TMEM131: variants seen among roughly 807,000 people sequenced by gnomAD.
TMEM131 encodes 2610524E03Rik.
TMEM131 carries 66 observed loss-of-function variants against 211.6 expected under a neutral mutation model. The observed-to-expected ratio is 0.31, with a 90% confidence interval of 0.26 to 0.38. The LOEUF (loss-of-function observed/expected upper bound fraction) is 0.38, where lower values mean the gene tolerates loss of function less well. Among genes scored for constraint, TMEM131 ranks in the 10% least tolerant of loss-of-function variants. The pLI, the probability that TMEM131 is intolerant of heterozygous loss-of-function variation, is 1.00. For synonymous variants in TMEM131, 844 were observed against 841.3 expected, an observed-to-expected ratio of 1.00 and a Z score of -0.06; for missense variants, 2,036 against 2,299.3, an observed-to-expected ratio of 0.89 and a Z score of 2.34.
At chr2:97,763,460 C>T (rs1678975533) in intron 35 of TMEM131, 1 of 152,680 alleles carries the variant, frequency 6.5e-6, no homozygotes, top group African/African-American at 2.4e-5. Flanking sequence ...ACATGGGCCC[C>T]TCCTCGCTGG....
chr2:97,786,900 G>A (rs1680274908), intron 31 of TMEM131, among the ~76,000 whole-genome samples: 1 of 152,198 alleles, frequency 6.6e-6, no homozygotes, highest in Non-Finnish European at 1.5e-5. Context: ...CCAGCAAACT[G>A]TTTTTTCCAG....
intron 5 of TMEM131, among the ~76,000 whole-genome samples, chr2:97,855,611 G>C (rs981312348): frequency 1.3e-5 from 2 of 151,292 alleles, no homozygotes; most frequent in Non-Finnish European, 2.9e-5. Context: ...TGAGGCACAA[G>C]AATTGCTTGA....
At chr2:97,854,908 AAAATGG>A (rs1673774738) in intron 5 of TMEM131, among the ~76,000 whole-genome samples, 1 of 152,178 alleles carries the variant, frequency 6.6e-6, no homozygotes, top group Admixed American at 6.5e-5. Context: ...CACCCTATTT[AAAATGG>A]TACCGCCTTC....
At chr2:97,794,803 A>T in intron 29 of TMEM131, 127 bp downstream of exon 29, 2 of 700,264 alleles carry the variant, frequency 2.9e-6, no homozygotes, top group East Asian at 6.0e-5. Context: ...TGAGATTGAT[A>T]AAGGCAGAGT....
intron 12 of TMEM131, 132 bp downstream of exon 12, chr2:97,818,481 G>GGGGGGGAAAAAAAAAAA: frequency 3.4e-6 from 1 of 292,100 alleles, no homozygotes; most frequent in Non-Finnish European, 6.4e-6. Context: ...GGCGGGGGGG[G>GGGGGGGAAAAAAAAAAA]ATCAACCTAA....
intron 11 of TMEM131, among the ~76,000 whole-genome samples, chr2:97,832,866 A>G (rs553920238): frequency 6.6e-6 from 1 of 152,314 alleles, no homozygotes; most frequent in East Asian, 1.9e-4. Flanking sequence ...GCCTTAGTTT[A>G]TAATGTGCTG....
At chr2:97,824,857 A>G (rs976013843) in intron 11 of TMEM131, among the ~76,000 whole-genome samples, 3 of 152,236 alleles carry the variant, frequency 2.0e-5, no homozygotes, top group African/African-American at 7.2e-5. Flanking sequence ...CAACACCCCA[A>G]TTCTAGGAGT....
chr2:97,805,775 T>A, intron 19 of TMEM131, 72 bp from the exon 20 acceptor site: 3 of 1,344,232 alleles, frequency 2.2e-6, no homozygotes, highest in Non-Finnish European at 3.0e-6. Context: ...AGTTTCAGAG[T>A]AGACAAGCAT....
At chr2:97,830,971 A>G (rs1049408161) in intron 11 of TMEM131, among the ~76,000 whole-genome samples, 2 of 152,236 alleles carry the variant, frequency 1.3e-5, no homozygotes, top group Non-Finnish European at 2.9e-5. Context: ...CTAAATATCT[A>G]TAGTCTCTAA....
intron 2 of TMEM131, chr2:97,913,089 G>C (rs1676354636): frequency 6.6e-6 from 1 of 152,050 alleles, no homozygotes; most frequent in African/African-American, 2.4e-5. Flanking sequence ...AAAACATGCT[G>C]GACAAATTCT....
At chr2:97,825,208 G>T (rs1682319295) in intron 11 of TMEM131, among the ~76,000 whole-genome samples, 1 of 152,160 alleles carries the variant, frequency 6.6e-6, no homozygotes, top group Admixed American at 6.5e-5. Flanking sequence ...CAGGCACTCT[G>T]GTCCTTCAGT....
chr2:97,910,829 G>C (rs1179508994), intron 2 of TMEM131, among the ~76,000 whole-genome samples: 1 of 151,924 alleles, frequency 6.6e-6, no homozygotes, highest in Non-Finnish European at 1.5e-5. Flanking sequence ...GTACCATGTT[G>C]TTTTGGTTAC....
intron 11 of TMEM131, among the ~76,000 whole-genome samples, chr2:97,825,547 G>A (rs1682340872): frequency 6.6e-6 from 1 of 152,204 alleles, no homozygotes; most frequent in South Asian, 2.1e-4. Flanking sequence ...AGGAGACCCA[G>A]AGGGCAGATA....
At chr2:97,895,781 TAGTG>T (rs1675584765) in intron 3 of TMEM131, among the ~76,000 whole-genome samples, 2 of 152,022 alleles carry the variant, frequency 1.3e-5, no homozygotes, top group African/African-American at 4.8e-5. Context: ...TTAGTCTGGC[TAGTG>T]ATTTATTTTG....
chr2:97,888,294 G>A (rs1380548466), intron 3 of TMEM131, among the ~76,000 whole-genome samples, 174 bp from the exon 4 acceptor site: 3 of 152,160 alleles, frequency 2.0e-5, no homozygotes, highest in Non-Finnish European at 4.4e-5. Flanking sequence ...AATAAAGATT[G>A]CGTTTTAGAA....
intron 5 of TMEM131, among the ~76,000 whole-genome samples, chr2:97,850,599 A>T (rs2105139643): frequency 6.6e-6 from 1 of 152,282 alleles, no homozygotes; most frequent in South Asian, 2.1e-4. Flanking sequence ...AAAAACATTT[A>T]CCTATGTAAC....
In TMEM131 at chr2:97,757,415, G is replaced by A. The variant is rs144401406; in HGVS notation, c.5368-32C>T. ...CAAAACAGAAAGCGTCCAGCACTGA[G>A]CCCGGCAGGCAGAGGGTCAAGTGGG... On this transcript the variant is annotated intron_variant, in intron 40 of 40. Transcript: ENST00000186436. 1.3e-5 allele frequency: 20 copies of A among 1,544,438 alleles called. No homozygotes were observed. The East Asian group carries it at 1.8e-4, about 14-fold the overall frequency.
intron 3 of TMEM131, among the ~76,000 whole-genome samples, chr2:97,897,188 G>C (rs1264939073): frequency 6.6e-6 from 1 of 151,900 alleles, no homozygotes; most frequent in Admixed American, 6.6e-5. Context: ...ATATTCCTTA[G>C]GACTTTCTAT....
At chr2:97,762,803 G>T (rs955144008) in intron 35 of TMEM131, 4 of 152,504 alleles carry the variant, frequency 2.6e-5, no homozygotes, top group African/African-American at 9.7e-5. Context: ...GGAGTTTGAG[G>T]CTGCAGTGAG....
Sources: gnomAD v4.1 joint callset for allele counts (sites outside exome capture counted in the v4.1 genomes callset) on GRCh38, gnomAD v4.1.1 for gene constraint, MANE v1.5 for transcripts, NCBI Gene and HGNC (gene_info 2026-07-23, HGNC 2026-07-21) for gene names.